The following PDZRN3 variants were observed in gnomAD, a reference collection of about 807,000 sequenced individuals.
The protein encoded by PDZRN3 is E3 ubiquitin-protein ligase PDZRN3.
A neutral mutation model predicts 85.7 loss-of-function variants in PDZRN3; 38 were observed. The ratio of observed to expected loss-of-function variants is 0.44; its 90% CI spans 0.34 to 0.58. PDZRN3 has a LOEUF of 0.58. Ranked by LOEUF, PDZRN3 falls within the 20% of genes least tolerant of loss-of-function variation. PDZRN3 has a pLI of 0.01. For missense variants in PDZRN3, 1,629 were observed against 1,506.4 expected (o/e 1.08, Z -1.35); for synonymous variants, 759 against 638.0 (o/e 1.19, Z -2.86).
intron 3 of PDZRN3, among the ~76,000 whole-genome samples, chr3:73,489,463 C>A (rs2106654747): frequency 6.6e-6 from 1 of 151,414 alleles, no homozygotes; most frequent in East Asian, 2.0e-4. Context: ...TTGTCTATCA[C>A]AAATAGTGTA....
intron 5 of PDZRN3, among the ~76,000 whole-genome samples, chr3:73,394,879 G>A (rs1440757670): frequency 2.0e-5 from 3 of 152,178 alleles, no homozygotes; most frequent in African/African-American, 7.2e-5. Flanking sequence ...TGTAAGAGCT[G>A]GTATTGCCTC....
At chr3:73,408,164 G>T (rs750776998) in intron 3 of PDZRN3, 10 of 703,286 alleles carry the variant, frequency 1.4e-5, no homozygotes, top group Non-Finnish European at 2.6e-5. Context: ...CTCAGAGGTG[G>T]AGTGTGCAGG....
At chr3:73,436,929 C>T (rs1311793946) in intron 3 of PDZRN3, among the ~76,000 whole-genome samples, 1 of 151,628 alleles carries the variant, frequency 6.6e-6, no homozygotes, top group East Asian at 1.9e-4. Context: ...ACCTGTAGTC[C>T]CAGGTACTTG....
At chr3:73,498,127 T>G (rs1395541547) in intron 3 of PDZRN3, among the ~76,000 whole-genome samples, 1 of 152,130 alleles carries the variant, frequency 6.6e-6, no homozygotes, top group African/African-American at 2.4e-5. Flanking sequence ...AAAAATCATC[T>G]TTCTCCCTCC....
chr3:73,505,784 C>G (rs993916967), intron 3 of PDZRN3, among the ~76,000 whole-genome samples: 1 of 151,738 alleles, frequency 6.6e-6, no homozygotes, highest in Admixed American at 6.6e-5. Flanking sequence ...AAAAAAACAG[C>G]ACATAAAGTC....
rs746408945 is a variant in PDZRN3 at position 73,406,239 on chromosome 3, G to C, written c.919-1844C>G. On this transcript the variant is annotated intron_variant, in intron 3 of 9. Coordinates refer to ENST00000263666, the MANE Select transcript of PDZRN3 (RefSeq NM_015009.3). The stretch of plus-strand genomic sequence containing the variant: ...CGACTGTTGCCATGTTTCTCCCTTT[G>C]AGAAAAGAATGAAAGGACAAGAAAG... 2.4e-4 allele frequency among the ~76,000 whole-genome samples: 36 copies of C among 152,184 alleles called. 1 individual carries two copies. Among genetic ancestry groups the C allele is most frequent in the Non-Finnish European group, 5.1e-4 (35 of 68,030 alleles).
chr3:73,441,221 T>C (rs1038688095), intron 3 of PDZRN3, among the ~76,000 whole-genome samples: 17 of 152,146 alleles, frequency 1.1e-4, no homozygotes, highest in Admixed American at 4.6e-4. Flanking sequence ...GAGACCATCC[T>C]GGCCAACATG....
intron 2 of PDZRN3, among the ~76,000 whole-genome samples, chr3:73,605,433 G>T (rs2106900809): frequency 6.6e-6 from 1 of 152,290 alleles, no homozygotes; most frequent in East Asian, 1.9e-4. Context: ...GCTTAAGTGA[G>T]AGGTTTGATA....
At chr3:73,605,659 G>A (rs144989914) in intron 2 of PDZRN3, among the ~76,000 whole-genome samples, 23 of 152,348 alleles carry the variant, frequency 1.5e-4, no homozygotes, top group Admixed American at 1.4e-3. Flanking sequence ...AACAACGTGT[G>A]TGCATTGTTG....
intron 3 of PDZRN3, among the ~76,000 whole-genome samples, chr3:73,433,093 C>T (rs886197523): frequency 6.6e-6 from 1 of 152,188 alleles, no homozygotes; most frequent in Non-Finnish European, 1.5e-5. Context: ...AAGTCACTTG[C>T]TTTTGAAGTT....
intron 3 of PDZRN3, among the ~76,000 whole-genome samples, chr3:73,598,125 G>A (rs1702457777): frequency 6.6e-6 from 1 of 152,160 alleles, no homozygotes; most frequent in African/African-American, 2.4e-5. Context: ...GAAAGGTGGT[G>A]TGTTTGTGGA....
intron 1 of PDZRN3, among the ~76,000 whole-genome samples, chr3:73,612,574 T>C (rs145856647): frequency 0.01 from 1,547 of 152,330 alleles, 14 homozygotes; most frequent in Non-Finnish European, 0.016. Flanking sequence ...ATTATGTCCA[T>C]TGCATCTGGC....
At chr3:73,388,189 C>A in intron 7 of PDZRN3, 120 bp from the exon 8 acceptor site, 2 of 586,142 alleles carry the variant, frequency 3.4e-6, no homozygotes, top group Non-Finnish European at 6.0e-6. Flanking sequence ...TTAGAACATA[C>A]AACTTCCGTG....
intron 4 of PDZRN3, 64 bp from the exon 5 acceptor site, chr3:73,401,073 C>A (rs576858504): frequency 8.2e-7 from 1 of 1,225,038 alleles, no homozygotes; most frequent in Non-Finnish European, 1.2e-6. Flanking sequence ...TTTCTTACAC[C>A]CATTGTCAGG....
intron 3 of PDZRN3, among the ~76,000 whole-genome samples, chr3:73,540,120 A>G (rs1704883185): frequency 6.6e-6 from 1 of 150,986 alleles, no homozygotes; most frequent in African/African-American, 2.4e-5. Flanking sequence ...AACAGTTCTC[A>G]AGAGCTAACA....
In PDZRN3 at chr3:73,510,429, G is replaced by T. The variant is rs1255055389; in HGVS notation, c.918+91925C>A. On this transcript the variant is annotated intron_variant, in intron 3 of 9. Coordinates refer to ENST00000263666, the MANE Select transcript of PDZRN3 (RefSeq NM_015009.3). ...TGAAGGCTCGCAGCACCATTGCTTG[G>T]AAAAGCAAAAAAGCTGCAGTCTAAA... 2.2e-4 allele frequency among the ~76,000 whole-genome samples: 34 copies of T among 152,134 alleles called. 1 individual carries two copies. The highest frequency in any genetic ancestry group is 2.0e-3 in the Admixed American group (31 of 15,278).
chr3:73,589,013 T>C (rs909449809), intron 3 of PDZRN3, among the ~76,000 whole-genome samples: 3 of 151,882 alleles, frequency 2.0e-5, no homozygotes, highest in Non-Finnish European at 4.4e-5. Context: ...TGAATATTCA[T>C]AAAACAGTTT....
At chr3:73,393,340 TCTA>T (rs148277626) in intron 5 of PDZRN3, among the ~76,000 whole-genome samples, 2 of 151,978 alleles carry the variant, frequency 1.3e-5, no homozygotes, top group African/African-American at 2.4e-5. Flanking sequence ...TACTGGACTT[TCTA>T]CTACTACTAC....
intron 8 of PDZRN3, among the ~76,000 whole-genome samples, chr3:73,386,459 G>A (rs1701389805): frequency 6.6e-6 from 1 of 152,102 alleles, no homozygotes; most frequent in African/African-American, 2.4e-5. Flanking sequence ...CTCCCAACAT[G>A]CTGGGATTAT....
Sources: allele counts gnomAD v4.1 joint callset (sites outside exome capture counted in the v4.1 genomes callset), GRCh38; gene constraint gnomAD v4.1.1; transcripts MANE v1.5; gene names NCBI Gene and HGNC (gene_info 2026-07-23, HGNC 2026-07-21).